DIPK2B: variants seen among roughly 807,000 people sequenced by gnomAD.
DIPK2B encodes UPF0672 protein CXorf36.
Under a neutral mutation model 22.2 loss-of-function variants are expected in DIPK2B, and 15 were observed. The observed-to-expected ratio is 0.68, with a 90% confidence interval of 0.45 to 1.04. The LOEUF is 1.04. Ranked by LOEUF, DIPK2B falls within the 50% of genes least tolerant of loss-of-function variation. The pLI, the probability that DIPK2B is intolerant of heterozygous loss-of-function variation, is 0.00. For missense variants in DIPK2B, 345 were observed against 348.3 expected (o/e 0.99, Z 0.08); for synonymous variants, 163 against 153.2 (o/e 1.06, Z -0.47).
chrX:45,200,751 G>C lies in DIPK2B; in HGVS notation c.76C>G (p.Leu26Val), dbSNP rs370832509. ...WLALLLWVSA[L>V]SCSFSLPASS... ...GCTGGCAAGGAGAAAGAACAGCTCA[G>C]GGCTGAGACCCACAGCAGCAGGGCC... The change falls in exon 1 of 5, where the codon CTG (leucine) becomes GTG (valine). Residue 26 changes from leucine (L) to valine (V), a missense_variant. Physicochemically the swap from Leu to Val is conservative, Grantham distance 32. Coordinates refer to ENST00000398000, the MANE Select transcript of DIPK2B (RefSeq NM_176819.4). 3.3e-6 allele frequency: 4 copies of C among 1,210,150 alleles called. No homozygotes were observed. The South Asian group carries it at 7.0e-5, about 21-fold the overall frequency.
intron 2 of DIPK2B, among the ~76,000 whole-genome samples, chrX:45,167,841 C>T (rs1024940316): frequency 3.6e-5 from 4 of 111,886 alleles, no homozygotes; most frequent in Non-Finnish European, 5.6e-5. Context: ...TGTGCCACCA[C>T]GCCTGGCTAA....
chrX:45,173,877 TC>T (rs1471007268), intron 2 of DIPK2B, among the ~76,000 whole-genome samples: 1 of 111,272 alleles, frequency 9.0e-6, no homozygotes, highest in African/African-American at 3.3e-5. Flanking sequence ...GGCCTGAACC[TC>T]CTTTCTATCT....
At chrX:45,192,072 C>T (rs1321470878) in intron 1 of DIPK2B, 57 bp from the exon 2 acceptor site, 4 of 1,094,120 alleles carry the variant, frequency 3.7e-6, no homozygotes, top group Non-Finnish European at 4.9e-6. Context: ...TCACAGAGCC[C>T]AGGGACAGGA....
At chrX:45,169,728 G>T (rs2047068644) in intron 2 of DIPK2B, among the ~76,000 whole-genome samples, 1 of 112,257 alleles carries the variant, frequency 8.9e-6, no homozygotes, top group Non-Finnish European at 1.9e-5. Flanking sequence ...ACAAAAGGTA[G>T]TGTGGAGGGC....
At chrX:45,178,878 T>G (rs1258625443) in intron 2 of DIPK2B, among the ~76,000 whole-genome samples, 1 of 111,581 alleles carries the variant, frequency 9.0e-6, no homozygotes, top group Admixed American at 9.6e-5. Flanking sequence ...TGGCTAGACA[T>G]CTTAGTGAAT....
rs1156664157 is a variant in DIPK2B, at chrX:45,148,928, T to A, written c.*2724A>T. On this transcript the variant is annotated 3_prime_UTR_variant, in exon 5 of 5. Transcript: ENST00000398000. ...GCCTCTTTCTGCTGATACAGGTGGGTCCCAAGTCTGCATTTCCTGTCTGGA... is the reference window on the plus strand; with the variant it reads ...GCCTCTTTCTGCTGATACAGGTGGGACCCAAGTCTGCATTTCCTGTCTGGA... The A allele has an allele frequency of 9.0e-6, 1 of 111,723 alleles. No individual in the cohort carries two copies. The highest frequency in any genetic ancestry group is 1.9e-5 in the Non-Finnish European group (1 of 53,160). The allele number at this position is 111,723 out of a possible 1,213,427, so 9.2% of individuals were successfully genotyped here. A position where few individuals can be genotyped will look rare whatever the true frequency, so the allele number is the denominator to read the frequency against.
chrX:45,194,539 C>T (rs950787592), intron 1 of DIPK2B, among the ~76,000 whole-genome samples: 1 of 110,981 alleles, frequency 9.0e-6, no homozygotes, highest in Non-Finnish European at 1.9e-5. Context: ...AGTGAGCCAC[C>T]GCACTTGGTC....
At chrX:45,165,911 G>C (rs1235726968) in intron 2 of DIPK2B, among the ~76,000 whole-genome samples, 1 of 111,249 alleles carries the variant, frequency 9.0e-6, no homozygotes, top group East Asian at 2.8e-4. Context: ...ACTGCCATGT[G>C]CTAGACGTGC....
At chrX:45,170,594 C>T (rs1395644980) in intron 2 of DIPK2B, among the ~76,000 whole-genome samples, 2 of 112,385 alleles carry the variant, frequency 1.8e-5, no homozygotes, top group African/African-American at 6.5e-5. Context: ...TCTTGCTCAC[C>T]TCTGTGTCCC....
chrX:45,169,070 G>A (rs2047065317), intron 2 of DIPK2B, among the ~76,000 whole-genome samples: 1 of 111,744 alleles, frequency 8.9e-6, no homozygotes, highest in Non-Finnish European at 1.9e-5. Context: ...GGGACCCATA[G>A]GACTCATGTT....
intron 3 of DIPK2B, 84 bp from the exon 4 acceptor site, chrX:45,154,282 T>TCTCC (rs2046978614): frequency 3.4e-6 from 1 of 294,073 alleles, no homozygotes; most frequent in East Asian, 8.2e-5. Context: ...TATCTCCCTA[T>TCTCC]CTATCTATCT....
chrX:45,189,000 A>T (rs2047197349), intron 2 of DIPK2B, among the ~76,000 whole-genome samples: 1 of 112,364 alleles, frequency 8.9e-6, no homozygotes. Context: ...GACGAACAAC[A>T]TTTGGGTTGT....
chrX:45,194,619 T>C (rs1007500417), intron 1 of DIPK2B, among the ~76,000 whole-genome samples: 16 of 111,822 alleles, frequency 1.4e-4, no homozygotes, highest in African/African-American at 5.2e-4. Flanking sequence ...ATTTTATGAA[T>C]TAGCTCATAG....
chrX:45,196,408 G>C lies in DIPK2B; in HGVS notation c.233+4186C>G, dbSNP rs149021809. Among the ~76,000 whole-genome samples, 205 of 111,640 alleles carry C rather than the reference G, an allele frequency of 1.8e-3. 1 individual carries two copies. The highest frequency in any genetic ancestry group is 6.5e-3 in the African/African-American group (199 of 30,697). ...CCCAAGGCCCCTGAGTTGATGTGAA[G>C]AAGTGAGTTAAGACAGTAATTATTG... On this transcript the variant is annotated intron_variant, in intron 1 of 4. Coordinates refer to ENST00000398000, the MANE Select transcript of DIPK2B (RefSeq NM_176819.4).
chrX:45,198,157 A>G (rs1012863710), intron 1 of DIPK2B, among the ~76,000 whole-genome samples: 2 of 111,488 alleles, frequency 1.8e-5, no homozygotes, highest in African/African-American at 3.3e-5. Flanking sequence ...TTGTTAAAAA[A>G]TTTCTTAATT....
At chrX:45,178,220 C>T (rs931411139) in intron 2 of DIPK2B, among the ~76,000 whole-genome samples, 1 of 112,345 alleles carries the variant, frequency 8.9e-6, no homozygotes, top group Non-Finnish European at 1.9e-5. Flanking sequence ...CTCACACATT[C>T]TTCAGCCTTG....
chrX:45,181,872 G>A (rs1215907819), intron 2 of DIPK2B, among the ~76,000 whole-genome samples: 1 of 111,087 alleles, frequency 9.0e-6, no homozygotes, highest in East Asian at 2.8e-4. Flanking sequence ...TTCATCAAAA[G>A]AAACAATTAT....
intron 2 of DIPK2B, among the ~76,000 whole-genome samples, chrX:45,177,063 C>T (rs1418420251): frequency 1.8e-5 from 2 of 110,120 alleles, no homozygotes; most frequent in Non-Finnish European, 3.8e-5. Context: ...TTTGGGAGGC[C>T]GAGGTGGGAG....
At position 45,157,845 on chromosome X, in the gene DIPK2B, A is replaced by G; in HGVS notation, c.542T>C (p.Leu181Pro). The G allele has an allele frequency of 1.7e-6, 2 of 1,166,041 alleles. No individual in the cohort carries two copies. The highest frequency in any genetic ancestry group is 3.0e-4 in the Middle Eastern group (1 of 3,332). The change falls in exon 3 of 5, where the codon CTG becomes CCG. Residue 181 changes from leucine to proline, a missense_variant. By Grantham distance (98) the Leu-to-Pro change is moderately conservative (BLOSUM62 -3). Transcript: ENST00000398000. ...TGCATAGCGCCTGACCACGCGATCC[A>G]GGAGTCGCTGCGAAGGGCAGCGCAG... ...PLLRCPSQRLLDRVVRRYAEV... is the reference protein window; with the variant it reads ...PLLRCPSQRLPDRVVRRYAEV...
Sources: gnomAD v4.1 joint callset for allele counts (sites outside exome capture counted in the v4.1 genomes callset) on GRCh38, gnomAD v4.1.1 for gene constraint, MANE v1.5 for transcripts, NCBI Gene and HGNC (gene_info 2026-07-23, HGNC 2026-07-21) for gene names.